The following BEND6 variants were observed in gnomAD, a reference collection of about 807,000 sequenced individuals.
The protein encoded by BEND6 is BEN domain-containing protein 6.
In BEND6, 24 loss-of-function variants were observed where a neutral mutation model predicts 31.8. The observed-to-expected ratio is 0.75, with a 90% CI of 0.55 to 1.06. The LOEUF (loss-of-function observed/expected upper bound fraction) is 1.06, where lower values mean the gene tolerates loss of function less well. BEND6 is among the 50% of genes least tolerant of loss of function. BEND6 has a pLI of 0.00. For synonymous variants in BEND6, 109 were observed against 114.6 expected, an observed-to-expected ratio of 0.95 and a Z score of 0.31; for missense variants, 294 against 327.4, an observed-to-expected ratio of 0.90 and a Z score of 0.79.
intron 3 of BEND6, chr6:57,009,881 C>CA (rs887430634): frequency 6.6e-6 from 1 of 152,110 alleles, no homozygotes; most frequent in African/African-American, 2.4e-5. Flanking sequence ...TTGGCAGATA[C>CA]AAACCAAAAT....
At chr6:57,001,771 C>T (rs1826954858) in intron 3 of BEND6, among the ~76,000 whole-genome samples, 1 of 152,148 alleles carries the variant, frequency 6.6e-6, no homozygotes, top group African/African-American at 2.4e-5. Flanking sequence ...ATAATGAAAC[C>T]TACTACCACA....
chr6:56,990,979 A>G (rs879451117), intron 2 of BEND6, among the ~76,000 whole-genome samples: 6 of 152,212 alleles, frequency 3.9e-5, no homozygotes, highest in Non-Finnish European at 8.8e-5. Flanking sequence ...CTACAACACC[A>G]CTAAATACCT....
chr6:57,019,777 A>C (rs917538191), intron 6 of BEND6, among the ~76,000 whole-genome samples: 1 of 152,222 alleles, frequency 6.6e-6, no homozygotes. Context: ...TGGCTCACAC[A>C]TACTGTTAGA....
At chr6:57,004,654 G>A (rs965821775) in intron 3 of BEND6, 9 of 1,229,316 alleles carry the variant, frequency 7.3e-6, no homozygotes, top group Admixed American at 1.7e-5. Context: ...AATGGAGTGG[G>A]CATTACATTT....
intron 1 of BEND6, among the ~76,000 whole-genome samples, chr6:56,974,692 G>A (rs987914798): frequency 6.6e-6 from 1 of 152,182 alleles, no homozygotes; most frequent in Non-Finnish European, 1.5e-5. Flanking sequence ...CATGCATATT[G>A]TCATGCCATG....
At chr6:56,976,227 G>A (rs1336194160) in intron 1 of BEND6, among the ~76,000 whole-genome samples, 1 of 143,900 alleles carries the variant, frequency 6.9e-6, no homozygotes, top group Non-Finnish European at 1.5e-5. Context: ...ATACAGTCTC[G>A]CTCTGTCACC....
chr6:56,964,842 C>A (rs1825413212), intron 1 of BEND6, among the ~76,000 whole-genome samples: 1 of 152,190 alleles, frequency 6.6e-6, no homozygotes, highest in Non-Finnish European at 1.5e-5. Context: ...AGGTTGCATA[C>A]TTTGATCTCA....
chr6:56,970,597 GATAGCCAC>G (rs1825658794), intron 1 of BEND6, among the ~76,000 whole-genome samples: 1 of 152,214 alleles, frequency 6.6e-6, no homozygotes, highest in Admixed American at 6.5e-5. Flanking sequence ...ATTGGGGGCA[GATAGCCAC>G]ATAGTGAATT....
chr6:56,960,536 A>G (rs1369630039), intron 1 of BEND6, among the ~76,000 whole-genome samples: 1 of 152,234 alleles, frequency 6.6e-6, no homozygotes, highest in African/African-American at 2.4e-5. Context: ...TTGTGATGAT[A>G]ATAAAACTAC....
At chr6:57,014,823 C>A (rs1241226585) in intron 3 of BEND6, among the ~76,000 whole-genome samples, 1 of 152,054 alleles carries the variant, frequency 6.6e-6, no homozygotes, top group Non-Finnish European at 1.5e-5. Flanking sequence ...TCAAATAAAA[C>A]CCCTAGCAAC....
chr6:57,017,057 A>G (rs1407648888), intron 4 of BEND6, 150 bp from the exon 5 acceptor site: 1 of 258,738 alleles, frequency 3.9e-6, no homozygotes, highest in African/African-American at 2.3e-5. Flanking sequence ...ATATTAAATT[A>G]AAATGTAAAA....
intron 1 of BEND6, among the ~76,000 whole-genome samples, chr6:56,963,953 G>T (rs146721912): frequency 0.01 from 1,497 of 146,562 alleles, 24 homozygotes; most frequent in African/African-American, 0.035. Context: ...TAATAATATT[G>T]ATATAATTAT....
At chr6:57,004,465 C>T in intron 3 of BEND6, 1 of 628,628 alleles carries the variant, frequency 1.6e-6, no homozygotes, top group Non-Finnish European at 2.9e-6. Flanking sequence ...CCGCTGCCTC[C>T]TCACCGCGCC....
At chr6:56,983,390 A>C (rs576767534) in intron 2 of BEND6, among the ~76,000 whole-genome samples, 1 of 152,254 alleles carries the variant, frequency 6.6e-6, no homozygotes, top group East Asian at 1.9e-4. Context: ...GCTACGTTAG[A>C]TCTCTAAACC....
At chr6:57,015,418 TG>T (rs1405270833) in intron 4 of BEND6, 65 bp downstream of exon 4, 4 of 1,342,252 alleles carry the variant, frequency 3.0e-6, no homozygotes, top group Non-Finnish European at 4.1e-6. Flanking sequence ...TAAATAAGGG[TG>T]GAAAATGATC....
intron 3 of BEND6, among the ~76,000 whole-genome samples, chr6:57,006,498 C>T (rs557989643): frequency 2.6e-4 from 39 of 152,332 alleles, no homozygotes; most frequent in Middle Eastern, 3.4e-3. Flanking sequence ...TACTCAACAA[C>T]GTGTTGGGAA....
At chr6:56,972,941 G>A (rs1825740151) in intron 1 of BEND6, among the ~76,000 whole-genome samples, 1 of 152,162 alleles carries the variant, frequency 6.6e-6, no homozygotes, top group East Asian at 1.9e-4. Flanking sequence ...AGGATTAGTG[G>A]CCCTATAAGA....
intron 1 of BEND6, among the ~76,000 whole-genome samples, chr6:56,974,923 C>T (rs1825820301): frequency 6.6e-6 from 1 of 152,008 alleles, no homozygotes; most frequent in South Asian, 2.1e-4. Flanking sequence ...GAGTTCAAGA[C>T]CAGCCTGGCC....
At chr6:56,965,110 A>G (rs1369072087) in intron 1 of BEND6, among the ~76,000 whole-genome samples, 1 of 152,220 alleles carries the variant, frequency 6.6e-6, no homozygotes, top group Non-Finnish European at 1.5e-5. Flanking sequence ...TAAATATATA[A>G]TAAATGTATT....
Sources: allele counts gnomAD v4.1 joint callset (sites outside exome capture counted in the v4.1 genomes callset), GRCh38; gene constraint gnomAD v4.1.1; transcripts MANE v1.5; gene names NCBI Gene and HGNC (gene_info 2026-07-23, HGNC 2026-07-21).